UNC13A: variants seen among roughly 807,000 people sequenced by gnomAD.
The protein encoded by UNC13A is unc-13 homolog A, also known as protein unc-13 homolog A.
A neutral mutation model predicts 219.7 loss-of-function variants in UNC13A; 61 were observed. The ratio of observed to expected loss-of-function variants is 0.28; its 90% CI spans 0.23 to 0.34. The LOEUF is 0.34. UNC13A is among the 10% of genes least tolerant of loss of function. UNC13A has a pLI of 1.00. For synonymous variants in UNC13A, 920 were observed against 884.6 expected (o/e 1.04, Z -0.71); for missense variants, 1,476 against 2,270.3 (o/e 0.65, Z 7.11).
intron 7 of UNC13A, among the ~76,000 whole-genome samples, chr19:17,666,096 CTTCCT>C (rs915373047): frequency 7.4e-5 from 9 of 121,268 alleles, no homozygotes; most frequent in East Asian, 2.2e-4. Context: ...CTTTCCTTCC[CTTCCT>C]TTCTTTTCTT....
rs2080112598 is a variant in UNC13A at position 17,686,367 on chromosome 19, C to T, written c.22+1811G>A. On this transcript the variant is annotated intron_variant, in intron 1 of 43. Transcript: ENST00000519716. ...GAAGCCCAACTTGGAGGATGTGAGGCGGGGTGGGGCGGGATGCTGGGGGGA... is the reference window on the plus strand; with the variant it reads ...GAAGCCCAACTTGGAGGATGTGAGGTGGGGTGGGGCGGGATGCTGGGGGGA... 3.0e-5 allele frequency among the ~76,000 whole-genome samples: 4 copies of T among 131,682 alleles called. 1 individual carries two copies. Among genetic ancestry groups the T allele is most frequent in the Admixed American group, 2.8e-4 (3 of 10,856 alleles). 86.4% of individuals were successfully genotyped at this position (131,682 alleles called of 152,430 possible). A position where few individuals can be genotyped will look rare whatever the true frequency, so the allele number is the denominator to read the frequency against.
intron 8 of UNC13A, among the ~76,000 whole-genome samples, chr19:17,662,792 C>T (rs570525029): frequency 1.5e-4 from 23 of 152,028 alleles, no homozygotes; most frequent in South Asian, 1.2e-3. Context: ...TGTTGGCGGA[C>T]GCCTTTAGTC....
chr19:17,633,609 C>A (rs960002937), intron 26 of UNC13A, among the ~76,000 whole-genome samples: 3 of 152,032 alleles, frequency 2.0e-5, no homozygotes, highest in Non-Finnish European at 4.4e-5. Flanking sequence ...ACTCATGCAA[C>A]TATCTATCCC....
intron 41 of UNC13A, among the ~76,000 whole-genome samples, chr19:17,616,852 T>A (rs1290220269): frequency 1.3e-5 from 2 of 152,068 alleles, no homozygotes; most frequent in Non-Finnish European, 2.9e-5. Flanking sequence ...CTCCCCCTCC[T>A]GAGTTCAAGC....
rs1377886310 is a variant in UNC13A at position 17,655,905 on chromosome 19, C to G, written c.1261G>C (p.Glu421Gln). 3 of 1,523,474 alleles carry G rather than the reference C, an allele frequency of 2.0e-6. No individual in the cohort carries two copies. The highest frequency in any genetic ancestry group is 2.6e-6 in the Non-Finnish European group (3 of 1,139,882). The allele number at this position is 1,523,474 out of a possible 1,614,324, so 94.4% of individuals were successfully genotyped here. Reference sequence around the variant, plus strand: ...TACCTCTCCTCGTCCTTGGGTGGCTCAGCCTCAGGGATCTGCTCAGCTGCA... The same window carrying G: ...TACCTCTCCTCGTCCTTGGGTGGCTGAGCCTCAGGGATCTGCTCAGCTGCA... ...VPAAEQIPEA[E>Q]PPKDEESFRP... The change falls in exon 10 of 44, where the codon GAG becomes CAG. Residue 421 changes from glutamate to glutamine, a missense_variant. This residue lies in a region of UNC13A where 351 missense variants were observed against 342.6 expected (regional missense o/e 1.02). Transcript: ENST00000519716.
rs2076517342 is a variant in UNC13A, at chr19:17,605,770, C to G, written c.*284G>C. 2 of 387,188 alleles carry G rather than the reference C, an allele frequency of 5.2e-6. No individual in the cohort carries two copies. Among genetic ancestry groups the G allele is most frequent in the Non-Finnish European group, 9.1e-6 (2 of 218,904 alleles). The allele number at this position is 387,188 out of a possible 1,614,324, so 24.0% of individuals were successfully genotyped here. A position where few individuals can be genotyped will look rare whatever the true frequency, so the allele number is the denominator to read the frequency against. Reference sequence around the variant, plus strand: ...TCCATAGGGACGAGGTTTCCCCCATCCCAGCTCAAAATGCCCCCTAGGTGC... The same window carrying G: ...TCCATAGGGACGAGGTTTCCCCCATGCCAGCTCAAAATGCCCCCTAGGTGC... On this transcript the variant is annotated 3_prime_UTR_variant, in exon 44 of 44. Coordinates refer to ENST00000519716, the MANE Select transcript of UNC13A (RefSeq NM_001080421.3).
intron 21 of UNC13A, among the ~76,000 whole-genome samples, chr19:17,641,108 G>A (rs985858039): frequency 6.6e-6 from 1 of 151,824 alleles, no homozygotes; most frequent in Non-Finnish European, 1.5e-5. Flanking sequence ...TGTACTCCTG[G>A]ACCTGGAGTG....
At chr19:17,624,503 T>C (rs192578155) in intron 35 of UNC13A, among the ~76,000 whole-genome samples, 1 of 152,312 alleles carries the variant, frequency 6.6e-6, no homozygotes, top group Admixed American at 6.5e-5. Flanking sequence ...CTTTGAAAGC[T>C]ATTTTGACCT....
chr19:17,652,563 C>A (rs2079368760), intron 12 of UNC13A, 68 bp downstream of exon 12: 1 of 1,604,992 alleles, frequency 6.2e-7, no homozygotes. Flanking sequence ...GGCTGAGGCT[C>A]AGGCGCAAAC....
intron 12 of UNC13A, among the ~76,000 whole-genome samples, chr19:17,651,920 A>T (rs2079356365): frequency 1.3e-5 from 2 of 152,166 alleles, no homozygotes; most frequent in African/African-American, 4.8e-5. Flanking sequence ...AAAATCCATA[A>T]CATAAGAGGT....
chr19:17,687,746 G>A (rs914748741), intron 1 of UNC13A, among the ~76,000 whole-genome samples: 1 of 151,874 alleles, frequency 6.6e-6, no homozygotes. Context: ...CCGGGTCCGC[G>A]TCCATGAGGA....
At chr19:17,662,004 G>A (rs12984382) in intron 8 of UNC13A, among the ~76,000 whole-genome samples, 10,495 of 152,116 alleles carry the variant, frequency 0.069, 593 homozygotes, top group African/African-American at 0.15. Context: ...CCCTTTGGGA[G>A]GCCAAGGCAG....
intron 33 of UNC13A, 90 bp from the exon 34 acceptor site, chr19:17,626,875 T>C (rs777616207): frequency 2.7e-6 from 4 of 1,484,028 alleles, no homozygotes; most frequent in Non-Finnish European, 3.6e-6. Flanking sequence ...TCATATCATT[T>C]GCATCACAGC....
intron 43 of UNC13A, among the ~76,000 whole-genome samples, chr19:17,608,666 C>T (rs772391073): frequency 2.1e-4 from 31 of 151,106 alleles, no homozygotes; most frequent in Non-Finnish European, 3.8e-4. Context: ...TACAGGCGCC[C>T]GCCACCACGC....
rs563636762 is a variant in UNC13A, at chr19:17,605,117, G to C, written c.*937C>G. The stretch of plus-strand genomic sequence containing the variant: ...AAAGGCGAAGTAGGGGTCTTGGCCT[G>C]GAATTCCCACCCCTTGGAGGAGGCC... On this transcript the variant is annotated 3_prime_UTR_variant, in exon 44 of 44. Coordinates refer to ENST00000519716, the MANE Select transcript of UNC13A (RefSeq NM_001080421.3). The C allele has an allele frequency of 6.5e-6, 1 of 152,794 alleles. No homozygotes were observed. The highest frequency in any genetic ancestry group is 1.9e-4 in the East Asian group (1 of 5,180). 9.5% of individuals were successfully genotyped at this position (152,794 alleles called of 1,614,324 possible). A position where few individuals can be genotyped will look rare whatever the true frequency, so the allele number is the denominator to read the frequency against.
intron 12 of UNC13A, among the ~76,000 whole-genome samples, chr19:17,650,301 G>T (rs144032696): frequency 6.6e-6 from 1 of 152,020 alleles, no homozygotes; most frequent in Non-Finnish European, 1.5e-5. Context: ...ATCACCTGAG[G>T]TTAGGAGTTC....
intron 41 of UNC13A, chr19:17,616,285 G>T: frequency 1.7e-6 from 1 of 586,836 alleles, no homozygotes; most frequent in Admixed American, 2.7e-5. Flanking sequence ...AGCCGCTCAG[G>T]CCTGGGCGGC....
At chr19:17,620,571 C>G in intron 38 of UNC13A, 122 bp downstream of exon 38, 1 of 830,384 alleles carries the variant, frequency 1.2e-6, no homozygotes, top group Non-Finnish European at 1.8e-6. Context: ...GAAGAAGAGA[C>G]CAACAGACAG....
At chr19:17,623,302 T>G in intron 36 of UNC13A, 2 of 473,340 alleles carry the variant, frequency 4.2e-6, no homozygotes, top group South Asian at 6.7e-5. Flanking sequence ...TGGGAGTGGG[T>G]AGTGGGGCTC....
Sources: allele counts gnomAD v4.1 joint callset (sites outside exome capture counted in the v4.1 genomes callset), GRCh38; gene constraint gnomAD v4.1.1; regional missense constraint gnomAD v4.1.1; transcripts MANE v1.5; gene names NCBI Gene and HGNC (gene_info 2026-07-23, HGNC 2026-07-21).